Variants in NUCKS1 observed in about 807,000 individuals in gnomAD.
The protein encoded by NUCKS1 is nuclear casein kinase and cyclin dependent kinase substrate 1.
NUCKS1 carries 2 observed loss-of-function variants against 33.0 expected under a neutral mutation model. That is an observed-to-expected ratio of 0.06 (90% CI 0.02 to 0.19). The LOEUF is 0.19. Ranked by LOEUF, NUCKS1 falls within the 10% of genes least tolerant of loss-of-function variation. NUCKS1 has a pLI of 1.00. For missense variants in NUCKS1, 201 were observed against 293.6 expected (o/e 0.68, Z 2.31); for synonymous variants, 106 against 102.8 (o/e 1.03, Z -0.19).
chr1:205,750,014 C>CCGGGGGGGGGGGGGGGGG lies in NUCKS1; in HGVS notation c.-42_-41insCCCCCCCCCCCCCCCCCG. The CCGGGGGGGGGGGGGGGGG allele has an allele frequency of 3.2e-6, 5 of 1,568,902 alleles. No individual in the cohort carries two copies. The highest frequency in any genetic ancestry group is 1.4e-5 in the African/African-American group (1 of 72,720). ...AGGACCGAGTCGAGAAGCCAAAGAC[C>CCGGGGGGGGGGGGGGGGG]AGGACCCCCCCCACCCCGCGCGCTC... On this transcript the variant is annotated 5_prime_UTR_variant, in exon 1 of 7. Transcript: ENST00000367142.
In NUCKS1 at chr1:205,714,340, T is replaced by C. The variant is rs774638758; in HGVS notation, c.*3940A>G. ...CTCCCTTCACCCCTGATGTACAAAG[T>C]GTATGCACAACGGTGGCATTCTACC... On this transcript the variant is annotated 3_prime_UTR_variant, in exon 7 of 7. Transcript: ENST00000367142. 1 of 152,112 alleles carries C rather than the reference T, an allele frequency of 6.6e-6. No individual in the cohort carries two copies. The highest frequency in any genetic ancestry group is 2.4e-5 in the African/African-American group (1 of 41,408). 9.4% of individuals were successfully genotyped at this position (152,112 alleles called of 1,614,324 possible). A position where few individuals can be genotyped will look rare whatever the true frequency, so the allele number is the denominator to read the frequency against.
intron 3 of NUCKS1, among the ~76,000 whole-genome samples, chr1:205,724,960 A>C (rs1653700635): frequency 6.6e-6 from 1 of 152,210 alleles, no homozygotes; most frequent in African/African-American, 2.4e-5. Flanking sequence ...TTTTAAAAAC[A>C]ATTTTTAGTT....
intron 1 of NUCKS1, among the ~76,000 whole-genome samples, chr1:205,735,948 CT>C (rs545520127): frequency 1.3e-3 from 193 of 145,338 alleles, no homozygotes; most frequent in Non-Finnish European, 1.5e-3. Context: ...CAAAATATCT[CT>C]TTTTTTTTTT....
rs747901878 is a variant in NUCKS1, at chr1:205,718,376, C to T, written c.636G>A (p.Pro212=). The T allele has an allele frequency of 2.6e-5, 42 of 1,613,488 alleles. No individual in the cohort carries two copies. The highest frequency in any genetic ancestry group is 1.8e-4 in the Admixed American group (11 of 59,982). ...ATGTTTTCTTTTCTGGCGGGCTTTC[C>T]GGTTCCTCATCTTCTTCTTTGGGAG... The part of the protein sequence containing the change: ...TPSPKEEDEE[P]ESPPEKKTST... The change falls in exon 7 of 7, where the codon CCG becomes CCA. Residue 212 remains proline (P), a synonymous_variant. Coordinates refer to ENST00000367142, the MANE Select transcript of NUCKS1 (RefSeq NM_022731.5).
chr1:205,738,086 C>G (rs1349806512), intron 1 of NUCKS1, among the ~76,000 whole-genome samples: 7 of 152,136 alleles, frequency 4.6e-5, no homozygotes, highest in African/African-American at 1.7e-4. Context: ...AGTGCAGTGG[C>G]GTGATCTCGG....
rs1393106068 is a variant in NUCKS1 at position 205,727,748 on chromosome 1, C to T, written c.125G>A (p.Arg42Gln). The change falls in exon 3 of 7, where the codon CGA becomes CAA. Residue 42 changes from arginine (R) to glutamine (Q), a missense_variant. Physicochemically the swap from Arg to Gln is conservative, Grantham distance 43. Coordinates refer to ENST00000367142, the MANE Select transcript of NUCKS1 (RefSeq NM_022731.5). The part of the protein sequence containing the change: ...PPTKKIRSSP[R>Q]EAKNKRRSGK... ...AGATCGCCTCTTATTTTTAGCTTCT[C>T]GGGGAGATGATCGAATTTTCTTAGT... 5.0e-6 allele frequency: 8 copies of T among 1,613,450 alleles called. No individual in the cohort carries two copies. The highest frequency in any genetic ancestry group is 3.3e-5 in the Admixed American group (2 of 59,990).
chr1:205,727,655 G>C, intron 3 of NUCKS1, 45 bp downstream of exon 3: 1 of 1,264,926 alleles, frequency 7.9e-7, no homozygotes, highest in South Asian at 1.2e-5. Flanking sequence ...TCTCATCTCA[G>C]AGTGGTAACA....
Position 205,714,184 on chromosome 1 carries a change from C to T in NUCKS1, c.*4096G>A, listed in dbSNP as rs1371082862. On this transcript the variant is annotated 3_prime_UTR_variant, in exon 7 of 7. Coordinates refer to ENST00000367142, the MANE Select transcript of NUCKS1 (RefSeq NM_022731.5). ...AAACACACACTCACACGTACACACC[C>T]ACACAATACTTCAGGGGTTTTTATA... 6.6e-6 allele frequency: 1 copy of T among 152,142 alleles called. No individual in the cohort carries two copies. Among genetic ancestry groups the T allele is most frequent in the Non-Finnish European group, 1.5e-5 (1 of 68,024 alleles). The allele number at this position is 152,142 out of a possible 1,614,324, so 9.4% of individuals were successfully genotyped here.
At chr1:205,740,989 T>C (rs1040851352) in intron 1 of NUCKS1, among the ~76,000 whole-genome samples, 3 of 151,570 alleles carry the variant, frequency 2.0e-5, no homozygotes, top group African/African-American at 7.3e-5. Flanking sequence ...TTTCACCATA[T>C]AGGAAAATGT....
chr1:205,717,394 G>GC lies in NUCKS1; in HGVS notation c.*885_*886insG, dbSNP rs1671841505. 1.1e-6 allele frequency: 1 copy of GC among 910,282 alleles called. No homozygotes were observed. Among genetic ancestry groups the GC allele is most frequent in the Non-Finnish European group, 1.3e-6 (1 of 765,062 alleles). 56.4% of individuals were successfully genotyped at this position (910,282 alleles called of 1,614,324 possible). ...ACTGATCTTGTTGATTAAATTCTAGGGTTTTTTTTTTTTTGGATTCTTGGT... is the reference window on the plus strand; with the variant it reads ...ACTGATCTTGTTGATTAAATTCTAGGCGTTTTTTTTTTTTTGGATTCTTGGT... On this transcript the variant is annotated 3_prime_UTR_variant, in exon 7 of 7. Coordinates refer to ENST00000367142, the MANE Select transcript of NUCKS1 (RefSeq NM_022731.5).
chr1:205,746,128 C>T (rs147900835), intron 1 of NUCKS1, among the ~76,000 whole-genome samples: 3,118 of 148,036 alleles, frequency 0.021, 44 homozygotes, highest in South Asian at 0.032. Context: ...AAACCCTGTC[C>T]CTACTAAAAA....
intron 1 of NUCKS1, among the ~76,000 whole-genome samples, chr1:205,747,916 A>C (rs1654371175): frequency 6.6e-6 from 1 of 152,204 alleles, no homozygotes; most frequent in South Asian, 2.1e-4. Context: ...ACTTCTTTTA[A>C]AAAATAATTA....
At position 205,750,092 on chromosome 1, in the gene NUCKS1, C is replaced by G. The variant is rs552504551; in HGVS notation, c.-119G>C. 9.2e-5 allele frequency: 100 copies of G among 1,085,154 alleles called. 1 individual carries two copies. In the South Asian group the frequency reaches 1.3e-3, roughly 14 times the overall value. 67.2% of individuals were successfully genotyped at this position (1,085,154 alleles called of 1,614,324 possible). On this transcript the variant is annotated 5_prime_UTR_variant, in exon 1 of 7. Transcript: ENST00000367142. ...CGATGGGACCGCTGCTGCCGAACCC[C>G]GAGCTGCTGGCTTCTCAAACTCCGC...
rs1318124197 is a variant in NUCKS1, at chr1:205,716,659, T to C, written c.*1621A>G. On this transcript the variant is annotated 3_prime_UTR_variant, in exon 7 of 7. Transcript: ENST00000367142. ...TCCTAGTAAACCACAAAGTAGGATA[T>C]TGAGGAAGCAAATCTAGATTAAAAG... 6.6e-6 allele frequency: 1 copy of C among 152,200 alleles called. No individual in the cohort carries two copies. Among genetic ancestry groups the C allele is most frequent in the Non-Finnish European group, 1.5e-5 (1 of 68,042 alleles). 9.4% of individuals were successfully genotyped at this position (152,200 alleles called of 1,614,324 possible).
chr1:205,731,979 T>C (rs1313759345), intron 1 of NUCKS1, among the ~76,000 whole-genome samples: 1 of 152,148 alleles, frequency 6.6e-6, no homozygotes, highest in African/African-American at 2.4e-5. Flanking sequence ...GCTGTATAGA[T>C]TAAGACACCA....
At chr1:205,732,627 A>T (rs1653942416) in intron 1 of NUCKS1, among the ~76,000 whole-genome samples, 1 of 151,976 alleles carries the variant, frequency 6.6e-6, no homozygotes, top group Non-Finnish European at 1.5e-5. Flanking sequence ...GTAAAAGTAC[A>T]AAAATTAGCT....
chr1:205,732,778 T>TAAAAAAAAAAAAA, intron 1 of NUCKS1, among the ~76,000 whole-genome samples: 1 of 14,236 alleles, frequency 7.0e-5, no homozygotes, highest in African/African-American at 1.7e-4. Flanking sequence ...AGACTCTGTC[T>TAAAAAAAAAAAAA]CAAAAAAAAA....
chr1:205,740,073 G>T lies in NUCKS1; in HGVS notation c.17+9884C>A, dbSNP rs146515192. Among the ~76,000 whole-genome samples the T allele has an allele frequency of 5.0e-3, 661 of 133,320 alleles. 3 individuals are homozygous for T. The highest frequency in any genetic ancestry group is 0.017 in the African/African-American group (619 of 36,384). 87.5% of individuals were successfully genotyped at this position (133,320 alleles called of 152,430 possible). On this transcript the variant is annotated intron_variant, in intron 1 of 6. Coordinates refer to ENST00000367142, the MANE Select transcript of NUCKS1 (RefSeq NM_022731.5). ...ACTGGAGTACAGTGGCATGATGATG[G>T]CTCACTACAACCTCTGCCTCCCAGG...
chr1:205,732,300 A>C (rs1480943707), intron 1 of NUCKS1, among the ~76,000 whole-genome samples: 1 of 152,198 alleles, frequency 6.6e-6, no homozygotes, highest in Non-Finnish European at 1.5e-5. Context: ...TATGACTATT[A>C]ATTCCATGTA....
Sources: gnomAD v4.1 joint callset for allele counts (sites outside exome capture counted in the v4.1 genomes callset) on GRCh38, gnomAD v4.1.1 for gene constraint, MANE v1.5 for transcripts, NCBI Gene and HGNC (gene_info 2026-07-23, HGNC 2026-07-21) for gene names.